The following LIMK2 variants were observed in gnomAD, a reference collection of about 807,000 sequenced individuals.
The protein encoded by LIMK2 is LIM domain kinase 2.
LIMK2 carries 35 observed loss-of-function variants against 75.7 expected under a neutral mutation model. That is an observed-to-expected ratio of 0.46 (90% confidence interval 0.35 to 0.61). The LOEUF is 0.61. Among genes scored for constraint, LIMK2 ranks in the 20% least tolerant of loss-of-function variants. The pLI is 0.00. For missense variants in LIMK2, 623 were observed against 831.0 expected (o/e 0.75, Z 3.08); for synonymous variants, 301 against 319.2 (o/e 0.94, Z 0.61).
At chr22:31,268,334 G>A in intron 11 of LIMK2, 134 bp downstream of exon 11, 1 of 767,896 alleles carries the variant, frequency 1.3e-6, no homozygotes, top group Non-Finnish European at 2.3e-6. Context: ...CATTGAGTTT[G>A]TCTGTGTCAC....
chr22:31,248,648 T>C (rs1215787891), intron 2 of LIMK2: 6 of 1,613,712 alleles, frequency 3.7e-6, no homozygotes, highest in Non-Finnish European at 5.1e-6. Context: ...ATGGTGGCCA[T>C]CTACAGCCGG....
chr22:31,249,472 G>GAGATGTGGAAACTCTACCTCT (rs2048704047), intron 2 of LIMK2, among the ~76,000 whole-genome samples: 1 of 152,144 alleles, frequency 6.6e-6, no homozygotes, highest in Non-Finnish European at 1.5e-5. Context: ...TTCTCAGAGG[G>GAGATGTGGAAACTCTACCTCT]AGATGTGGAA....
chr22:31,224,263 G>GT (rs1288642186), intron 1 of LIMK2, among the ~76,000 whole-genome samples: 1 of 152,170 alleles, frequency 6.6e-6, no homozygotes, highest in Non-Finnish European at 1.5e-5. Flanking sequence ...GACCGACTCT[G>GT]TGCTTTTGTC....
At chr22:31,227,893 A>G (rs1262159164) in intron 2 of LIMK2, among the ~76,000 whole-genome samples, 1 of 152,192 alleles carries the variant, frequency 6.6e-6, no homozygotes, top group African/African-American at 2.4e-5. Context: ...TAACCCATTC[A>G]TATCACAGAT....
intron 2 of LIMK2, among the ~76,000 whole-genome samples, chr22:31,250,594 G>A (rs2048715715): frequency 6.6e-6 from 1 of 152,082 alleles, no homozygotes; most frequent in African/African-American, 2.4e-5. Context: ...CCCCAAATAA[G>A]AGGCCACATT....
At chr22:31,241,251 T>C (rs1261642409) in intron 2 of LIMK2, among the ~76,000 whole-genome samples, 1 of 152,250 alleles carries the variant, frequency 6.6e-6, no homozygotes, top group East Asian at 1.9e-4. Flanking sequence ...ATGGCAAGAA[T>C]AAAATAGTTA....
intron 7 of LIMK2, among the ~76,000 whole-genome samples, chr22:31,265,600 T>G (rs912978906): frequency 8.6e-5 from 13 of 152,014 alleles, no homozygotes; most frequent in African/African-American, 3.1e-4. Flanking sequence ...TCTAAACCAG[T>G]TAGTACTTAA....
At chr22:31,212,475 T>A in intron 1 of LIMK2, 51 bp downstream of exon 1, 3 of 1,313,846 alleles carry the variant, frequency 2.3e-6, no homozygotes, top group Non-Finnish European at 9.8e-7. Context: ...GAAGTCCGGT[T>A]CCATGGCGCC....
At chr22:31,277,136 A>AGTGAGG (rs749958802) in intron 15 of LIMK2, 64 of 1,613,620 alleles carry the variant, frequency 4.0e-5, no homozygotes, top group Non-Finnish European at 5.4e-5. Context: ...CCCCAGAAGA[A>AGTGAGG]GTGAGGGTCC....
In LIMK2 at chr22:31,267,877, G is replaced by A; in HGVS notation, c.1230G>A (p.Gly410=). Reference sequence around the variant, plus strand: ...ACCTCCTGACAGAGTACATTGAGGGGGGCACACTGAAGGACTTTCTGCGCA... The same window carrying A: ...ACCTCCTGACAGAGTACATTGAGGGAGGCACACTGAAGGACTTTCTGCGCA... ...KLNLLTEYIE[G]GTLKDFLRSM... Residue 410 remains glycine, a synonymous_variant, in exon 10 of 16, where the codon GGG becomes GGA. Transcript: ENST00000331728. 6.2e-7 allele frequency: 1 copy of A among 1,609,050 alleles called. No homozygotes were observed.
At chr22:31,240,126 T>C (rs1276774680) in intron 2 of LIMK2, among the ~76,000 whole-genome samples, 1 of 152,208 alleles carries the variant, frequency 6.6e-6, no homozygotes, top group Non-Finnish European at 1.5e-5. Flanking sequence ...GGAAGTGTGC[T>C]AACAAATTCT....
At position 31,279,220 on chromosome 22, in the gene LIMK2, G is replaced by C. The variant is rs2049062118; in HGVS notation, c.*779G>C. ...AGCAAAGGAAGAGGCTGGGGGACTA[G>C]AAAGAGGCCCTGCCCTCTAGAAAGC... On this transcript the variant is annotated 3_prime_UTR_variant, in exon 16 of 16. Transcript: ENST00000331728. 6.6e-6 allele frequency: 1 copy of C among 152,264 alleles called. No individual in the cohort carries two copies. Among genetic ancestry groups the C allele is most frequent in the African/African-American group, 2.4e-5 (1 of 41,462 alleles). 9.4% of individuals were successfully genotyped at this position (152,264 alleles called of 1,614,324 possible).
chr22:31,214,331 T>C (rs2048372701), intron 1 of LIMK2, among the ~76,000 whole-genome samples: 1 of 152,222 alleles, frequency 6.6e-6, no homozygotes, highest in Non-Finnish European at 1.5e-5. Context: ...AGTGGTGACA[T>C]AGTTCTTGGC....
intron 2 of LIMK2, among the ~76,000 whole-genome samples, chr22:31,231,641 T>C (rs2048529730): frequency 1.3e-5 from 2 of 152,182 alleles, no homozygotes; most frequent in South Asian, 4.1e-4. Flanking sequence ...GCCTTAATCC[T>C]GCTCTTTACT....
intron 2 of LIMK2, among the ~76,000 whole-genome samples, chr22:31,233,171 C>G (rs548681284): frequency 5.9e-5 from 9 of 152,188 alleles, no homozygotes; most frequent in Admixed American, 3.3e-4. Context: ...CTTCACTTAC[C>G]AGCCACCTGA....
At chr22:31,231,831 T>C (rs999197594) in intron 2 of LIMK2, among the ~76,000 whole-genome samples, 7 of 152,122 alleles carry the variant, frequency 4.6e-5, no homozygotes, top group Admixed American at 1.3e-4. Context: ...CCCCACCTTT[T>C]TTTGAGACAG....
chr22:31,254,937 C>T (rs1267283146), intron 2 of LIMK2, among the ~76,000 whole-genome samples: 3 of 149,580 alleles, frequency 2.0e-5, no homozygotes, highest in African/African-American at 7.4e-5. Context: ...CCAGCCTGGG[C>T]GATAAGAGCA....
chr22:31,221,063 A>G (rs1209058631), intron 1 of LIMK2, among the ~76,000 whole-genome samples: 1 of 152,212 alleles, frequency 6.6e-6, no homozygotes, highest in Non-Finnish European at 1.5e-5. Flanking sequence ...GTACATGAAT[A>G]AAAGTGGCAG....
chr22:31,270,297 G>C (rs917928092), intron 11 of LIMK2, among the ~76,000 whole-genome samples: 4 of 152,028 alleles, frequency 2.6e-5, no homozygotes, highest in Non-Finnish European at 5.9e-5. Flanking sequence ...AAGGCTGGAA[G>C]AAAAAAACAG....
Sources: gnomAD v4.1 joint callset for allele counts (sites outside exome capture counted in the v4.1 genomes callset) on GRCh38, gnomAD v4.1.1 for gene constraint, MANE v1.5 for transcripts, NCBI Gene and HGNC (gene_info 2026-07-23, HGNC 2026-07-21) for gene names.